The following KAZN variants were observed in gnomAD, a reference collection of about 807,000 sequenced individuals.
KAZN encodes kazrin.
Under a neutral mutation model 87.4 loss-of-function variants are expected in KAZN, and 40 were observed. That is an observed-to-expected ratio of 0.46 (90% confidence interval 0.36 to 0.60). The LOEUF (loss-of-function observed/expected upper bound fraction) is 0.60, where lower values mean the gene tolerates loss of function less well. Ranked by LOEUF, KAZN falls within the 20% of genes least tolerant of loss-of-function variation. The probability of loss-of-function intolerance (pLI) is 0.00; values close to 1 mark genes in which losing one functional copy is unlikely to be tolerated. For missense variants in KAZN, 898 were observed against 1,073.9 expected, an observed-to-expected ratio of 0.84 and a Z score of 2.29; for synonymous variants, 466 against 458.3, an observed-to-expected ratio of 1.02 and a Z score of -0.22.
At chr1:14,953,374 G>T (rs2101722080) in intron 1 of KAZN, among the ~76,000 whole-genome samples, 1 of 152,368 alleles carries the variant, frequency 6.6e-6, no homozygotes, top group African/African-American at 2.4e-5. Flanking sequence ...TCTCCTTTTG[G>T]AAGGTGGTAG....
At chr1:14,072,246 T>C (rs142169006) in intron 1 of KAZN, among the ~76,000 whole-genome samples, 5 of 152,334 alleles carry the variant, frequency 3.3e-5, no homozygotes, top group African/African-American at 1.2e-4. Context: ...TGTGATCTTA[T>C]TGTAAATTAA....
intron 1 of KAZN, among the ~76,000 whole-genome samples, chr1:14,713,797 A>AAAGAAAGAAAG (rs1553215137): frequency 1.2e-3 from 114 of 95,636 alleles, no homozygotes; most frequent in African/African-American, 4.2e-3. Context: ...AAAAAAAAAA[A>AAAGAAAGAAAG]AAAGAAAGAA....
intron 1 of KAZN, among the ~76,000 whole-genome samples, chr1:14,103,920 C>T (rs1301607685): frequency 6.6e-6 from 1 of 152,166 alleles, no homozygotes. Flanking sequence ...CAGATAATTT[C>T]TCTGTGTTAA....
intron 2 of KAZN, among the ~76,000 whole-genome samples, chr1:14,579,518 A>G (rs574056142): frequency 1.1e-4 from 17 of 152,068 alleles, no homozygotes; most frequent in Admixed American, 4.6e-4. Context: ...CCAGCTACTC[A>G]GGAGGCTGAG....
At chr1:14,552,242 T>A (rs1459425369) in intron 2 of KAZN, among the ~76,000 whole-genome samples, 4 of 152,192 alleles carry the variant, frequency 2.6e-5, no homozygotes, top group Non-Finnish European at 5.9e-5. Flanking sequence ...CCCCTATTAA[T>A]GTATCCTGGG....
intron 2 of KAZN, among the ~76,000 whole-genome samples, chr1:14,340,513 T>C (rs1389601433): frequency 6.6e-6 from 1 of 152,248 alleles, no homozygotes; most frequent in Non-Finnish European, 1.5e-5. Flanking sequence ...GTTTCTTAAC[T>C]TCTTTAAGCC....
chr1:14,050,600 T>G (rs1370508898), intron 1 of KAZN, among the ~76,000 whole-genome samples: 1 of 152,190 alleles, frequency 6.6e-6, no homozygotes, highest in African/African-American at 2.4e-5. Context: ...TGGAGGAAAC[T>G]GCCCACATCA....
At chr1:15,002,599 T>C (rs2102023762) in intron 2 of KAZN, among the ~76,000 whole-genome samples, 2 of 152,284 alleles carry the variant, frequency 1.3e-5, no homozygotes, top group South Asian at 4.2e-4. Context: ...ATCAGCGTCA[T>C]CGCCATCATC....
intron 1 of KAZN, among the ~76,000 whole-genome samples, chr1:14,659,877 T>C (rs1467778278): frequency 6.6e-6 from 1 of 150,400 alleles, no homozygotes; most frequent in East Asian, 1.9e-4. Flanking sequence ...CAATACACAT[T>C]CTTTAAAAAA....
intron 2 of KAZN, among the ~76,000 whole-genome samples, chr1:14,470,213 A>G (rs745878609): frequency 1.8e-4 from 28 of 152,248 alleles, no homozygotes; most frequent in Admixed American, 8.5e-4. Context: ...TATGAAAAAC[A>G]GGAAATATAG....
intron 8 of KAZN, chr1:15,067,151 A>G: frequency 1.0e-6 from 1 of 985,600 alleles, no homozygotes; most frequent in Non-Finnish European, 1.2e-6. Flanking sequence ...TGGGCCAGGC[A>G]GGTGTTGTTA....
chr1:15,015,359 G>A (rs1669982289), intron 2 of KAZN, among the ~76,000 whole-genome samples: 1 of 152,070 alleles, frequency 6.6e-6, no homozygotes, highest in South Asian at 2.1e-4. Context: ...CGCCATGTTG[G>A]CCAGGCTGGT....
At chr1:14,175,369 C>A (rs1321603875) in intron 1 of KAZN, among the ~76,000 whole-genome samples, 1 of 152,204 alleles carries the variant, frequency 6.6e-6, no homozygotes, top group East Asian at 1.9e-4. Context: ...TCCCGAAGTG[C>A]TGGGATTTCA....
chr1:14,591,687 C>T (rs987373460), intron 2 of KAZN, among the ~76,000 whole-genome samples: 3 of 152,118 alleles, frequency 2.0e-5, no homozygotes, highest in African/African-American at 2.4e-5. Context: ...TGCGCCTGAC[C>T]GACTTTCCCA....
chr1:14,694,920 A>T (rs1183057492), intron 1 of KAZN, among the ~76,000 whole-genome samples: 1 of 152,220 alleles, frequency 6.6e-6, no homozygotes, highest in African/African-American at 2.4e-5. Context: ...AACATATTAC[A>T]GGGGAAATTT....
chr1:14,415,509 G>A (rs1664674707), intron 2 of KAZN, among the ~76,000 whole-genome samples: 1 of 152,126 alleles, frequency 6.6e-6, no homozygotes, highest in Non-Finnish European at 1.5e-5. Context: ...ACTGGGCTGA[G>A]GGTTCTTCCC....
intron 1 of KAZN, among the ~76,000 whole-genome samples, chr1:14,783,788 G>A (rs557322525): frequency 6.6e-6 from 1 of 152,130 alleles, no homozygotes; most frequent in Non-Finnish European, 1.5e-5. Flanking sequence ...AAGACAGAAG[G>A]GCATGGGCGC....
chr1:14,195,313 T>C (rs760869933), intron 2 of KAZN, among the ~76,000 whole-genome samples: 2 of 152,104 alleles, frequency 1.3e-5, no homozygotes, highest in Non-Finnish European at 2.9e-5. Flanking sequence ...CCCTCCCTTC[T>C]TTATCTTCTA....
chr1:15,074,291 C>A (rs74059813), intron 8 of KAZN, among the ~76,000 whole-genome samples: 4,123 of 152,298 alleles, frequency 0.027, 184 homozygotes, highest in African/African-American at 0.095. Flanking sequence ...CCAGTGTATT[C>A]GGCTTGTTGA....
Sources: allele counts gnomAD v4.1 joint callset (sites outside exome capture counted in the v4.1 genomes callset), GRCh38; gene constraint gnomAD v4.1.1; transcripts MANE v1.5; gene names NCBI Gene and HGNC (gene_info 2026-07-23, HGNC 2026-07-21).